The following MAP2 variants were observed in gnomAD, a reference collection of about 807,000 sequenced individuals.
The protein encoded by MAP2 is microtubule associated protein 2, also known as microtubule-associated protein 2.
Under a neutral mutation model 137.6 loss-of-function variants are expected in MAP2, and 14 were observed. The ratio of observed to expected loss-of-function variants is 0.10; its 90% CI spans 0.07 to 0.16. The LOEUF (loss-of-function observed/expected upper bound fraction) is 0.16, where lower values mean the gene tolerates loss of function less well. Ranked by LOEUF, MAP2 falls within the 10% of genes least tolerant of loss-of-function variation. The pLI is 1.00. For synonymous variants in MAP2, 786 were observed against 782.3 expected (o/e 1.00, Z -0.08); for missense variants, 2,088 against 2,191.5 (o/e 0.95, Z 0.94).
intron 1 of MAP2, among the ~76,000 whole-genome samples, chr2:209,494,131 C>T (rs1559233927): frequency 1.3e-5 from 2 of 151,938 alleles, no homozygotes; most frequent in South Asian, 4.1e-4. Context: ...ATGTCCTTTG[C>T]AGGGTCATGG....
intron 4 of MAP2, among the ~76,000 whole-genome samples, chr2:209,638,092 C>T (rs1581620450): frequency 6.6e-6 from 1 of 152,014 alleles, no homozygotes; most frequent in East Asian, 1.9e-4. Context: ...AATTTTTTAA[C>T]GTCTCATAAA....
At chr2:209,572,566 T>G (rs1384603107) in intron 2 of MAP2, among the ~76,000 whole-genome samples, 1 of 152,136 alleles carries the variant, frequency 6.6e-6, no homozygotes, top group African/African-American at 2.4e-5. Context: ...GAATACCTAG[T>G]AAACTTAAAT....
chr2:209,704,678 G>C (rs1452274448), intron 11 of MAP2: 1 of 1,436,692 alleles, frequency 7.0e-7, no homozygotes, highest in East Asian at 2.4e-5. Context: ...AGAAGGTTAT[G>C]TTATAGAACC....
intron 13 of MAP2, among the ~76,000 whole-genome samples, chr2:209,722,631 T>A (rs532783573): frequency 6.6e-6 from 1 of 152,346 alleles, no homozygotes; most frequent in East Asian, 1.9e-4. Flanking sequence ...CTTTCCATGC[T>A]TATATTGCTT....
In MAP2 at chr2:209,700,261, C is replaced by G; in HGVS notation, c.4523-16C>G. ...AGCAACTAAGTTTGGGGTTGTTTGT[C>G]TTTTATTTTCAACAGCAGCAGGTGG... On this transcript the variant is annotated splice_polypyrimidine_tract_variant and intron_variant, in intron 10 of 15. Transcript: ENST00000682079. 1.2e-6 allele frequency: 2 copies of G among 1,611,480 alleles called. No homozygotes were observed. Among genetic ancestry groups the G allele is most frequent in the Non-Finnish European group, 1.7e-6 (2 of 1,178,292 alleles).
Position 209,678,654 on chromosome 2 carries a change from A to G in MAP2, c.345A>G (p.Gln115=), listed in dbSNP as rs1288309312. 1 of 1,604,784 alleles carries G rather than the reference A, an allele frequency of 6.2e-7. No individual in the cohort carries two copies. The highest frequency in any genetic ancestry group is 2.3e-5 in the East Asian group (1 of 44,352). The change falls in exon 6 of 16, where the codon CAA becomes CAG. Residue 115 remains glutamine (Q), a synonymous_variant. Coordinates refer to ENST00000682079, the MANE Select transcript of MAP2 (RefSeq NM_001375505.1). ...VLKGEQEKEA[Q]HKDQTAALPL... ...AAGGTGAACAAGAGAAAGAAGCTCA[A>G]CATAAAGACCAGACTGCAGCTCTGC...
chr2:209,437,868 C>T (rs1696730756), intron 1 of MAP2, among the ~76,000 whole-genome samples: 3 of 150,974 alleles, frequency 2.0e-5, no homozygotes, highest in South Asian at 4.2e-4. Context: ...TGAGATAAGT[C>T]GTTCCCCTGT....
intron 1 of MAP2, among the ~76,000 whole-genome samples, chr2:209,473,675 AG>A (rs1448258211): frequency 6.6e-6 from 1 of 152,080 alleles, no homozygotes; most frequent in Non-Finnish European, 1.5e-5. Context: ...CCAGGCAAAA[AG>A]TTACAGGAAT....
intron 5 of MAP2, among the ~76,000 whole-genome samples, chr2:209,673,824 A>T (rs2050002352): frequency 6.6e-6 from 1 of 151,930 alleles, no homozygotes; most frequent in African/African-American, 2.4e-5. Context: ...AATAGAAAGT[A>T]TAAAAAGGAA....
At chr2:209,640,985 A>G (rs1473180536) in intron 4 of MAP2, among the ~76,000 whole-genome samples, 1 of 149,818 alleles carries the variant, frequency 6.7e-6, no homozygotes, top group African/African-American at 2.5e-5. Context: ...GATGTATAAT[A>G]TGGCCTCCAA....
rs377334559 is a variant in MAP2 at position 209,555,514 on chromosome 2, A to T, written c.-171-24522A>T. On this transcript the variant is annotated intron_variant, in intron 2 of 15. Coordinates refer to ENST00000682079, the MANE Select transcript of MAP2 (RefSeq NM_001375505.1). The stretch of plus-strand genomic sequence containing the variant: ...TATGACTGGACTGGAGATAAGGTAA[A>T]TTAGCATTGAGAACATACAGAACCA... Among the ~76,000 whole-genome samples the T allele has an allele frequency of 8.5e-5, 13 of 152,324 alleles. No homozygotes were observed. In the East Asian group the frequency reaches 1.7e-3, roughly 20 times the overall value.
chr2:209,572,093 T>TA (rs1228796751), intron 2 of MAP2, among the ~76,000 whole-genome samples: 1 of 151,978 alleles, frequency 6.6e-6, no homozygotes, highest in African/African-American at 2.4e-5. Flanking sequence ...AGTGATTTTT[T>TA]AAAAAAATCA....
chr2:209,478,337 ATAT>A (rs767514694), intron 1 of MAP2, among the ~76,000 whole-genome samples: 24 of 152,178 alleles, frequency 1.6e-4, no homozygotes, highest in Non-Finnish European at 2.6e-4. Context: ...GATAACCATA[ATAT>A]TATCTACCTC....
At chr2:209,492,753 G>A (rs530874947) in intron 1 of MAP2, among the ~76,000 whole-genome samples, 6 of 152,230 alleles carry the variant, frequency 3.9e-5, no homozygotes, top group African/African-American at 1.4e-4. Context: ...ACCTCTTCAA[G>A]GAGAACTACA....
chr2:209,481,374 A>T (rs1406613007), intron 1 of MAP2, among the ~76,000 whole-genome samples: 2 of 152,204 alleles, frequency 1.3e-5, no homozygotes, highest in African/African-American at 4.8e-5. Context: ...CAATCTCTGA[A>T]GGGGCCCAAC....
chr2:209,622,620 A>G (rs1174623686), intron 3 of MAP2, among the ~76,000 whole-genome samples: 1 of 152,228 alleles, frequency 6.6e-6, no homozygotes, highest in East Asian at 1.9e-4. Flanking sequence ...ATCTAATGTT[A>G]AAACTATGTT....
At chr2:209,505,400 C>A (rs1351823782) in intron 1 of MAP2, among the ~76,000 whole-genome samples, 1 of 152,132 alleles carries the variant, frequency 6.6e-6, no homozygotes, top group Non-Finnish European at 1.5e-5. Flanking sequence ...TACTGCCCAG[C>A]CCTCAAACCT....
chr2:209,717,278 A>G (rs550201357), intron 13 of MAP2, among the ~76,000 whole-genome samples: 1 of 152,180 alleles, frequency 6.6e-6, no homozygotes, highest in Non-Finnish European at 1.5e-5. Flanking sequence ...TCCTGCCACC[A>G]TGTGAAGAAG....
chr2:209,468,715 A>T (rs1390838183), intron 1 of MAP2, among the ~76,000 whole-genome samples: 1 of 152,182 alleles, frequency 6.6e-6, no homozygotes, highest in African/African-American at 2.4e-5. Flanking sequence ...CATGATTCTT[A>T]TATTTTTTGC....
Sources: allele counts gnomAD v4.1 joint callset (sites outside exome capture counted in the v4.1 genomes callset), GRCh38; gene constraint gnomAD v4.1.1; transcripts MANE v1.5; gene names NCBI Gene and HGNC (gene_info 2026-07-23, HGNC 2026-07-21).